Variants in ADAM9 observed in about 807,000 individuals in gnomAD.
ADAM9 encodes ADAM metallopeptidase domain 9.
Under a neutral mutation model 108.1 loss-of-function variants are expected in ADAM9, and 54 were observed. The observed-to-expected ratio is 0.50, with a 90% CI of 0.40 to 0.63. The LOEUF (loss-of-function observed/expected upper bound fraction) is 0.63, where lower values mean the gene tolerates loss of function less well. ADAM9 is among the 20% of genes least tolerant of loss of function. The probability of loss-of-function intolerance (pLI) is 0.00; values close to 1 mark genes in which losing one functional copy is unlikely to be tolerated. For missense variants in ADAM9, 830 were observed against 997.7 expected (o/e 0.83, Z 2.26); for synonymous variants, 316 against 336.0 (o/e 0.94, Z 0.65).
In ADAM9 at chr8:39,091,346, T is replaced by C; in HGVS notation, c.2298T>C (p.Val766=). The change falls in exon 20 of 22, where the codon GTT becomes GTC. Residue 766 remains valine (V), a splice_region_variant and synonymous_variant. Transcript: ENST00000487273. ...HVSPVTPPRE[V]PIYANRFAVP... ...CTCCAGTGACACCTCCCAGAGAAGT[T>C]GTAAGTATAAAATGAAAAATTATTT... 6.2e-7 allele frequency: 1 copy of C among 1,613,024 alleles called. No individual in the cohort carries two copies. The highest frequency in any genetic ancestry group is 8.5e-7 in the Non-Finnish European group (1 of 1,179,022).
chr8:39,011,716 A>G lies in ADAM9; in HGVS notation c.254A>G (p.Lys85Arg). Reference protein sequence around the residue: ...KEHIIHLERNKDLLPEDFVVY... With the variant: ...KEHIIHLERNRDLLPEDFVVY... ...CATATTATTCACTTGGAAAGGAACA[A>G]GTAAGACATTTAATTTATTTTGGCT... Residue 85 changes from lysine to arginine, a missense_variant and splice_region_variant, in exon 3 of 22, where the codon AAA becomes AGA. Lys to Arg is a conservative substitution (Grantham distance 26). Transcript: ENST00000487273. 6 of 1,608,396 alleles carry G rather than the reference A, an allele frequency of 3.7e-6. No individual in the cohort carries two copies. Among genetic ancestry groups the G allele is most frequent in the Non-Finnish European group, 5.1e-6 (6 of 1,174,842 alleles).
chr8:39,101,855 CT>C lies in ADAM9; in HGVS notation c.2299-3del. 1.3e-6 allele frequency: 2 copies of C among 1,588,020 alleles called. No individual in the cohort carries two copies. The highest frequency in any genetic ancestry group is 1.7e-6 in the Non-Finnish European group (2 of 1,167,366). ...GTGGTAATAACCTTATTTTTTTTTT[CT>C]TTTTAGCCTATATATGCAAACAGAT... On this transcript the variant is annotated splice_polypyrimidine_tract_variant and splice_region_variant and intron_variant, in intron 20 of 21. Transcript: ENST00000487273.
chr8:39,007,270 C>T (rs762276648), intron 1 of ADAM9, among the ~76,000 whole-genome samples: 1 of 152,160 alleles, frequency 6.6e-6, no homozygotes, highest in Non-Finnish European at 1.5e-5. Context: ...TACCCTGGCC[C>T]CTCAGGGATG....
rs772774558 is a variant in ADAM9 at position 39,021,706 on chromosome 8, T to C, written c.736T>C (p.Leu246=). The C allele has an allele frequency of 4.2e-5, 67 of 1,612,624 alleles. No individual in the cohort carries two copies. Among genetic ancestry groups the C allele is most frequent in the Non-Finnish European group, 5.4e-5 (64 of 1,178,796 alleles). The stretch of plus-strand genomic sequence containing the variant: ...AGAGATGATTCTCCTGGCAAACTAC[T>C]TGGATAGTGTAAGTTGTATTTTCTA... ...REEMILLANY[L]DSMYIMLNIR... The change falls in exon 8 of 22, where the codon TTG becomes CTG. Residue 246 remains leucine (L), a synonymous_variant. Transcript: ENST00000487273.
intron 11 of ADAM9, among the ~76,000 whole-genome samples, chr8:39,035,286 T>C (rs773966338): frequency 1.2e-4 from 18 of 152,232 alleles, no homozygotes; most frequent in Non-Finnish European, 1.9e-4. Flanking sequence ...TGGTTCTTTT[T>C]CAAATCTGAT....
chr8:39,070,852 A>G (rs1838661294), intron 14 of ADAM9, among the ~76,000 whole-genome samples: 1 of 152,164 alleles, frequency 6.6e-6, no homozygotes, highest in African/African-American at 2.4e-5. Flanking sequence ...AGGGACATCT[A>G]AACCAAGCAT....
intron 19 of ADAM9, 104 bp from the exon 20 acceptor site, chr8:39,091,155 A>G (rs907117214): frequency 9.2e-6 from 10 of 1,083,760 alleles, no homozygotes; most frequent in African/African-American, 1.5e-5. Context: ...CCCCACCACT[A>G]CCAACATCAT....
intron 20 of ADAM9, among the ~76,000 whole-genome samples, chr8:39,100,483 A>C (rs1452655746): frequency 1.4e-5 from 2 of 147,012 alleles, no homozygotes; most frequent in African/African-American, 5.1e-5. Context: ...ACAGAGCCAG[A>C]CTCCGTCTCA....
intron 11 of ADAM9, among the ~76,000 whole-genome samples, chr8:39,028,311 C>A (rs1005551472): frequency 7.2e-5 from 11 of 151,794 alleles, no homozygotes; most frequent in Non-Finnish European, 1.6e-4. Flanking sequence ...AAATACTAGG[C>A]TCAAAAATAG....
At chr8:39,029,265 T>A in intron 11 of ADAM9, among the ~76,000 whole-genome samples, 1 of 150,646 alleles carries the variant, frequency 6.6e-6, no homozygotes, top group East Asian at 2.0e-4. Flanking sequence ...CCCATAGGAG[T>A]TGAGGTAGAG....
intron 13 of ADAM9, 42 bp downstream of exon 13, chr8:39,054,615 A>AG: frequency 6.5e-7 from 1 of 1,526,976 alleles, no homozygotes; most frequent in Non-Finnish European, 8.9e-7. Context: ...AAAAAAAAAA[A>AG]AAAAAAAGAA....
intron 1 of ADAM9, among the ~76,000 whole-genome samples, chr8:38,999,362 G>C (rs1272430403): frequency 2.0e-5 from 3 of 149,826 alleles, no homozygotes; most frequent in Admixed American, 6.6e-5. Context: ...AAAGGTAACT[G>C]TGTCATTGTA....
chr8:39,099,755 G>A (rs1839623912), intron 20 of ADAM9, among the ~76,000 whole-genome samples: 1 of 152,048 alleles, frequency 6.6e-6, no homozygotes, highest in Non-Finnish European at 1.5e-5. Flanking sequence ...ATGTGGAAGT[G>A]ATTAAATCAA....
At chr8:39,023,014 A>G in intron 8 of ADAM9, 142 bp from the exon 9 acceptor site, 1 of 757,002 alleles carries the variant, frequency 1.3e-6, no homozygotes, top group Non-Finnish European at 2.1e-6. Flanking sequence ...CGCCCCGCCC[A>G]AAGTCTCATT....
intron 21 of ADAM9, among the ~76,000 whole-genome samples, chr8:39,103,290 A>T (rs1304112352): frequency 6.6e-6 from 1 of 151,942 alleles, no homozygotes; most frequent in Admixed American, 6.6e-5. Flanking sequence ...TTGATCACTT[A>T]GTGTACTCAC....
At chr8:39,016,346 A>G in intron 5 of ADAM9, 152 bp downstream of exon 5, 1 of 724,702 alleles carries the variant, frequency 1.4e-6, no homozygotes. Flanking sequence ...TGTTTCAGAT[A>G]TCCTTGGCAT....
intron 12 of ADAM9, among the ~76,000 whole-genome samples, chr8:39,053,135 A>T (rs989628942): frequency 6.6e-6 from 1 of 152,112 alleles, no homozygotes; most frequent in African/African-American, 2.4e-5. Flanking sequence ...AGGCTATCTT[A>T]TGGTGATATG....
intron 18 of ADAM9, among the ~76,000 whole-genome samples, chr8:39,085,773 G>A (rs1021814788): frequency 6.6e-6 from 1 of 151,746 alleles, no homozygotes; most frequent in Non-Finnish European, 1.5e-5. Flanking sequence ...CTTTATCTCT[G>A]GTTTTTATAT....
chr8:39,034,736 G>A (rs1837213375), intron 11 of ADAM9, among the ~76,000 whole-genome samples: 1 of 151,794 alleles, frequency 6.6e-6, no homozygotes, highest in African/African-American at 2.4e-5. Context: ...AGATGTCAAG[G>A]TGTCAGACCA....
Sources: gnomAD v4.1 joint callset for allele counts (sites outside exome capture counted in the v4.1 genomes callset) on GRCh38, gnomAD v4.1.1 for gene constraint, MANE v1.5 for transcripts, NCBI Gene and HGNC (gene_info 2026-07-23, HGNC 2026-07-21) for gene names.